TTLL11: variants seen among roughly 807,000 people sequenced by gnomAD.
TTLL11 encodes the protein tubulin tyrosine ligase like 11.
Under a neutral mutation model 51.7 loss-of-function variants are expected in TTLL11, and 42 were observed. That is an observed-to-expected ratio of 0.81 (90% CI 0.64 to 1.05). TTLL11 has a LOEUF of 1.05. Ranked by LOEUF, TTLL11 falls within the 50% of genes least tolerant of loss-of-function variation. The probability of loss-of-function intolerance (pLI) is 0.00; values close to 1 mark genes in which losing one functional copy is unlikely to be tolerated. For missense variants in TTLL11, 799 were observed against 940.4 expected, an observed-to-expected ratio of 0.85 and a Z score of 1.97; for synonymous variants, 381 against 383.5, an observed-to-expected ratio of 0.99 and a Z score of 0.08.
intron 1 of TTLL11, among the ~76,000 whole-genome samples, chr9:122,065,147 C>T (rs531676684): frequency 4.9e-4 from 74 of 152,164 alleles, no homozygotes; most frequent in Non-Finnish European, 9.7e-4. Context: ...TTAACAAATG[C>T]CCCAGGTGAT....
intron 8 of TTLL11, among the ~76,000 whole-genome samples, chr9:121,855,758 T>C (rs76079647): frequency 0.016 from 2,493 of 152,290 alleles, 76 homozygotes; most frequent in African/African-American, 0.057. Context: ...TGCATTTGTC[T>C]GCTCATCAAA....
chr9:121,851,320 C>A (rs993261701), intron 8 of TTLL11, among the ~76,000 whole-genome samples: 1 of 152,174 alleles, frequency 6.6e-6, no homozygotes, highest in African/African-American at 2.4e-5. Context: ...ATGCAAACTA[C>A]AGACTTGAGT....
At chr9:121,978,416 C>G (rs1339255679) in intron 4 of TTLL11, among the ~76,000 whole-genome samples, 1 of 151,964 alleles carries the variant, frequency 6.6e-6, no homozygotes, top group African/African-American at 2.4e-5. Context: ...GACCTTTTAC[C>G]TATGTGATAA....
At chr9:121,983,874 GT>G (rs1842879095) in intron 4 of TTLL11, among the ~76,000 whole-genome samples, 1 of 152,146 alleles carries the variant, frequency 6.6e-6, no homozygotes, top group African/African-American at 2.4e-5. Flanking sequence ...CTCAGGGCTT[GT>G]CTTAGTGGGT....
chr9:121,863,913 G>C (rs537367980), intron 7 of TTLL11, among the ~76,000 whole-genome samples: 3 of 152,148 alleles, frequency 2.0e-5, no homozygotes, highest in Admixed American at 6.5e-5. Context: ...GTGGGGAGAT[G>C]GCCCAGTCCA....
chr9:121,960,180 C>T (rs549848112), intron 6 of TTLL11, among the ~76,000 whole-genome samples: 1 of 152,042 alleles, frequency 6.6e-6, no homozygotes, highest in South Asian at 2.1e-4. Context: ...TTTAGTTTTG[C>T]CTGTTCTGAA....
chr9:122,089,510 A>G (rs1172444264), intron 1 of TTLL11, among the ~76,000 whole-genome samples: 1 of 152,210 alleles, frequency 6.6e-6, no homozygotes, highest in African/African-American at 2.4e-5. Flanking sequence ...GAATACTATA[A>G]TCATAGTTTA....
chr9:121,829,890 C>T (rs1836947116), intron 8 of TTLL11, among the ~76,000 whole-genome samples: 2 of 151,952 alleles, frequency 1.3e-5, no homozygotes, highest in African/African-American at 4.8e-5. Context: ...TGTCCTTGAC[C>T]ATCCCCAGGT....
chr9:122,055,686 T>C (rs1404131551), intron 1 of TTLL11, among the ~76,000 whole-genome samples: 2 of 152,204 alleles, frequency 1.3e-5, no homozygotes, highest in African/African-American at 4.8e-5. Flanking sequence ...AAATAAGGCC[T>C]GCAGTCACCA....
intron 2 of TTLL11, 149 bp from the exon 3 acceptor site, chr9:122,032,005 G>T: frequency 9.5e-7 from 1 of 1,054,768 alleles, no homozygotes; most frequent in African/African-American, 1.6e-5. Flanking sequence ...TCCCCACAGC[G>T]GTGACTCATG....
intron 3 of TTLL11, among the ~76,000 whole-genome samples, chr9:121,998,507 A>G (rs551188037): frequency 6.6e-6 from 1 of 151,778 alleles, no homozygotes; most frequent in South Asian, 2.1e-4. Context: ...GCTGGTCTCA[A>G]ACTCCTGACC....
chr9:122,047,902 G>C (rs77887025), intron 1 of TTLL11, among the ~76,000 whole-genome samples: 1,587 of 152,178 alleles, frequency 0.01, 31 homozygotes, highest in African/African-American at 0.035. Flanking sequence ...CAGGTCCCAG[G>C]CCCACAGGAA....
chr9:122,057,749 A>G (rs1014385635), intron 1 of TTLL11, among the ~76,000 whole-genome samples: 12 of 152,246 alleles, frequency 7.9e-5, no homozygotes, highest in Non-Finnish European at 1.5e-4. Flanking sequence ...AGGGATATTT[A>G]TAAACACACC....
intron 8 of TTLL11, among the ~76,000 whole-genome samples, chr9:121,826,513 A>ATG (rs756911109): frequency 1.1e-5 from 1 of 89,166 alleles, no homozygotes; most frequent in African/African-American, 5.8e-5. Flanking sequence ...ATATATATAT[A>ATG]TGTATATATA....
intron 3 of TTLL11, among the ~76,000 whole-genome samples, chr9:122,005,389 G>A (rs375470762): frequency 2.0e-5 from 3 of 152,260 alleles, no homozygotes; most frequent in Admixed American, 2.0e-4. Context: ...TTATCTGTAC[G>A]ATGGAGGCAT....
At chr9:122,010,228 A>C (rs1335904239) in intron 3 of TTLL11, among the ~76,000 whole-genome samples, 2 of 152,210 alleles carry the variant, frequency 1.3e-5, no homozygotes, top group Non-Finnish European at 2.9e-5. Flanking sequence ...ACACACAATG[A>C]AAGTTGTATT....
intron 6 of TTLL11, among the ~76,000 whole-genome samples, chr9:121,907,106 T>C (rs1287392747): frequency 6.6e-6 from 1 of 152,172 alleles, no homozygotes; most frequent in Admixed American, 6.5e-5. Flanking sequence ...TTTGTCTTTT[T>C]CTTTATGCCC....
At chr9:121,880,629 C>T (rs968137354) in intron 6 of TTLL11, among the ~76,000 whole-genome samples, 1 of 152,140 alleles carries the variant, frequency 6.6e-6, no homozygotes, top group Non-Finnish European at 1.5e-5. Context: ...CTGCTTAATG[C>T]CTATTTCTTT....
chr9:121,965,156 G>A (rs1842363798), intron 6 of TTLL11, among the ~76,000 whole-genome samples: 1 of 152,186 alleles, frequency 6.6e-6, no homozygotes, highest in Non-Finnish European at 1.5e-5. Flanking sequence ...CTTCAAAGGT[G>A]CTTGGGGTCA....
Sources: gnomAD v4.1 joint callset for allele counts (sites outside exome capture counted in the v4.1 genomes callset) on GRCh38, gnomAD v4.1.1 for gene constraint, MANE v1.5 for transcripts, NCBI Gene and HGNC (gene_info 2026-07-23, HGNC 2026-07-21) for gene names.